CLDN14: variants seen among roughly 807,000 people sequenced by gnomAD.
CLDN14 encodes claudin 14, also known as claudin-14.
In CLDN14, 2 loss-of-function variants were observed where a neutral mutation model predicts 2.1. The ratio of observed to expected loss-of-function variants is 0.96; its 90% CI spans 0.39 to 3.01. The LOEUF is 3.01. Among genes scored for constraint, CLDN14 ranks in the 30% most tolerant of loss-of-function variants. The pLI is 0.09. For missense variants in CLDN14, 298 were observed against 328.0 expected (o/e 0.91, Z 0.71); for synonymous variants, 136 against 154.4 (o/e 0.88, Z 0.88).
chr21:36,540,957 A>G (rs147846210), intron 1 of CLDN14, among the ~76,000 whole-genome samples: 1 of 152,208 alleles, frequency 6.6e-6, no homozygotes, highest in East Asian at 1.9e-4. Context: ...TCCTTAAACA[A>G]GGACAGTGGC....
chr21:36,547,605 G>A (rs541006419), intron 1 of CLDN14, among the ~76,000 whole-genome samples: 2 of 152,254 alleles, frequency 1.3e-5, no homozygotes, highest in South Asian at 2.1e-4. Context: ...GTTCGAGAGC[G>A]AAGTTAAATG....
intron 1 of CLDN14, among the ~76,000 whole-genome samples, chr21:36,549,051 T>G (rs1222361724): frequency 6.6e-6 from 1 of 152,090 alleles, no homozygotes; most frequent in Non-Finnish European, 1.5e-5. Flanking sequence ...ACTCAAACCA[T>G]GCACAATGGC....
intron 1 of CLDN14, among the ~76,000 whole-genome samples, chr21:36,510,912 T>A (rs1358732572): frequency 6.6e-6 from 1 of 152,252 alleles, no homozygotes; most frequent in Non-Finnish European, 1.5e-5. Context: ...GGTCAAGCCC[T>A]GGTCTACTTA....
chr21:36,496,153 G>A (rs529634738), intron 2 of CLDN14, among the ~76,000 whole-genome samples: 26 of 152,180 alleles, frequency 1.7e-4, no homozygotes, highest in East Asian at 9.7e-4. Flanking sequence ...GGTTTCTGCC[G>A]GGTGCAGTGG....
intron 1 of CLDN14, among the ~76,000 whole-genome samples, chr21:36,521,628 A>C (rs1275821059): frequency 6.6e-6 from 1 of 152,218 alleles, no homozygotes; most frequent in Non-Finnish European, 1.5e-5. Flanking sequence ...TTGGAGGTCC[A>C]TCTGTGTGGG....
intron 1 of CLDN14, among the ~76,000 whole-genome samples, chr21:36,553,004 G>T (rs1432273482): frequency 6.6e-6 from 1 of 152,208 alleles, no homozygotes; most frequent in African/African-American, 2.4e-5. Flanking sequence ...GATAACCCAG[G>T]TTTCCCGCCA....
chr21:36,543,571 C>T (rs1227805619), intron 1 of CLDN14, among the ~76,000 whole-genome samples: 1 of 152,176 alleles, frequency 6.6e-6, no homozygotes, highest in African/African-American at 2.4e-5. Context: ...GTTCTGGGCA[C>T]TATAATAAGT....
chr21:36,521,328 G>A (rs1217642832), intron 1 of CLDN14, among the ~76,000 whole-genome samples: 2 of 152,116 alleles, frequency 1.3e-5, no homozygotes, highest in Non-Finnish European at 2.9e-5. Context: ...AGTGGCAATG[G>A]ACAGAGAGTA....
At chr21:36,465,386 G>T (rs1307361818) in intron 1 of CLDN14, among the ~76,000 whole-genome samples, 1 of 152,198 alleles carries the variant, frequency 6.6e-6, no homozygotes, top group African/African-American at 2.4e-5. Context: ...AAACCATTAG[G>T]TTGCTATTTT....
intron 1 of CLDN14, among the ~76,000 whole-genome samples, chr21:36,514,186 G>A (rs73392037): frequency 0.09 from 13,759 of 152,166 alleles, 1,536 homozygotes; most frequent in African/African-American, 0.27. Context: ...AGAAGGTGTA[G>A]CTGGGAGACA....
intron 2 of CLDN14, among the ~76,000 whole-genome samples, chr21:36,490,754 C>T (rs1453198302): frequency 3.3e-5 from 5 of 152,050 alleles, no homozygotes; most frequent in African/African-American, 4.8e-5. Context: ...AGGCTGGTCT[C>T]GAACTCTTGG....
chr21:36,468,171 T>TATGA (rs1310812923), intron 1 of CLDN14, among the ~76,000 whole-genome samples: 1 of 152,224 alleles, frequency 6.6e-6, no homozygotes, highest in African/African-American at 2.4e-5. Flanking sequence ...ACATAGTCAT[T>TATGA]GGCCCTTCAA....
chr21:36,461,009 C>A lies in CLDN14; in HGVS notation c.687G>T (p.Thr229=), dbSNP rs219780. The A allele has an allele frequency of 1.2e-6, 2 of 1,612,960 alleles. No homozygotes were observed. The highest frequency in any genetic ancestry group is 1.9e-4 in the Middle Eastern group (1 of 5,370). ...DNRAPSVTSA[T]HSGYRLNDYV ...AGTCGTTCAGCCTGTACCCGCTGTG[C>A]GTGGCCGAGGTCACTGAGGGGGCCC... The change falls in exon 2 of 2, where the codon ACG becomes ACT. Residue 229 remains threonine, a synonymous_variant. Transcript: ENST00000399135.
chr21:36,507,765 AAAAAAG>A (rs763788791), intron 2 of CLDN14, among the ~76,000 whole-genome samples: 1 of 152,136 alleles, frequency 6.6e-6, no homozygotes, highest in Non-Finnish European at 1.5e-5. Flanking sequence ...CTCCATCTCA[AAAAAAG>A]AAAAAGGTTG....
chr21:36,565,488 T>C lies in CLDN14; in HGVS notation c.-220+10923A>G, dbSNP rs577150031. 4.6e-5 allele frequency among the ~76,000 whole-genome samples: 7 copies of C among 152,194 alleles called. No individual in the cohort carries two copies. In the East Asian group the frequency reaches 1.4e-3, roughly 29 times the overall value. On this transcript the variant is annotated intron_variant, in intron 1 of 2. Transcript: ENST00000342108. Reference sequence around the variant, plus strand: ...TCATAAAGCTTAAGATTTCCTTTCCTGGTGTTGTGCTGGTAAACTGGTTCT... The same window carrying C: ...TCATAAAGCTTAAGATTTCCTTTCCCGGTGTTGTGCTGGTAAACTGGTTCT...
intron 1 of CLDN14, among the ~76,000 whole-genome samples, chr21:36,545,925 A>G (rs1016355044): frequency 6.6e-6 from 1 of 152,184 alleles, no homozygotes; most frequent in Non-Finnish European, 1.5e-5. Flanking sequence ...GACTTCACCA[A>G]GGTCCTGCAA....
chr21:36,560,067 A>G (rs1157389437), intron 1 of CLDN14, among the ~76,000 whole-genome samples: 2 of 152,238 alleles, frequency 1.3e-5, no homozygotes, highest in Admixed American at 1.3e-4. Flanking sequence ...TAGTGTAGCA[A>G]ATTTTTAAAG....
chr21:36,563,690 G>A (rs967484609), intron 1 of CLDN14, among the ~76,000 whole-genome samples: 6 of 152,142 alleles, frequency 3.9e-5, no homozygotes, highest in South Asian at 2.1e-4. Flanking sequence ...ATGGAGGTTC[G>A]GAGACTGTGG....
intron 1 of CLDN14, among the ~76,000 whole-genome samples, chr21:36,514,734 A>C (rs1346417666): frequency 6.6e-6 from 1 of 151,318 alleles, no homozygotes; most frequent in Non-Finnish European, 1.5e-5. Context: ...GGGGAGAATG[A>C]GTCCTCATTT....
Sources: gnomAD v4.1 joint callset for allele counts (sites outside exome capture counted in the v4.1 genomes callset) on GRCh38, gnomAD v4.1.1 for gene constraint, MANE v1.5 for transcripts, NCBI Gene and HGNC (gene_info 2026-07-23, HGNC 2026-07-21) for gene names.